NOX1: variants seen among roughly 807,000 people sequenced by gnomAD.
NOX1 encodes the protein NADH/NADPH mitogenic oxidase subunit P65-MOX.
NOX1 carries 34 observed loss-of-function variants against 42.5 expected under a neutral mutation model. The ratio of observed to expected loss-of-function variants is 0.80; its 90% CI spans 0.61 to 1.07. The LOEUF (loss-of-function observed/expected upper bound fraction) is 1.07. NOX1 is among the 50% of genes least tolerant of loss of function. NOX1 has a pLI of 0.00. For synonymous variants in NOX1, 143 were observed against 152.5 expected, an observed-to-expected ratio of 0.94 and a Z score of 0.46; for missense variants, 408 against 427.0, an observed-to-expected ratio of 0.96 and a Z score of 0.39.
chrX:100,867,937 AC>A (rs1280310169), intron 2 of NOX1, among the ~76,000 whole-genome samples: 2 of 110,890 alleles, frequency 1.8e-5, no homozygotes, highest in Admixed American at 9.6e-5. Flanking sequence ...CTGCACTTAT[AC>A]CCCCTACATA....
In NOX1 at chrX:100,850,340, C is replaced by T. The variant is rs2071756; in HGVS notation, c.944G>A (p.Arg315His). ...CTGCCCCACTTCCATGCTGAAGCCACGCTTGTTCATCTGCAATTCCAAAAC... is the reference window on the plus strand; with the variant it reads ...CTGCCCCACTTCCATGCTGAAGCCATGCTTGTTCATCTGCAATTCCAAAAC... ...SKVLELQMNKRGFSMEVGQYI... is the reference protein window; with the variant it reads ...SKVLELQMNKHGFSMEVGQYI... The change falls in exon 9 of 13, where the codon CGT becomes CAT. Residue 315 changes from arginine (R) to histidine (H), a missense_variant. Transcript: ENST00000372966. The T allele has an allele frequency of 2.3e-4, 281 of 1,202,689 alleles. 4 individuals carry two copies. In the East Asian group the frequency reaches 7.5e-3, roughly 32 times the overall value.
At chrX:100,848,302 T>C (rs776565171) in intron 12 of NOX1, among the ~76,000 whole-genome samples, 1 of 110,362 alleles carries the variant, frequency 9.1e-6, no homozygotes, top group African/African-American at 3.3e-5. Flanking sequence ...TTTTTTTTTT[T>C]CTTTTGAGAC....
chrX:100,857,532 C>A (rs762753813), intron 7 of NOX1, among the ~76,000 whole-genome samples: 8 of 112,022 alleles, frequency 7.1e-5, no homozygotes, highest in African/African-American at 2.6e-4. Context: ...GCAACCTCAC[C>A]AACATCTGTT....
In NOX1 at chrX:100,848,709, T is replaced by A. The variant is rs779428704; in HGVS notation, c.1489A>T (p.Thr497Ser). Reference protein sequence around the residue: ...LNFDKATDIVTGLKQKTSFGR... With the variant: ...LNFDKATDIVSGLKQKTSFGR... ...AAGGAGGTTTTCTGTTTCAGACCTG[T>A]CACGATGTCAGTGGCCTTGTCAAAG... The change falls in exon 12 of 13, where the codon ACA becomes TCA. Residue 497 changes from threonine to serine, a missense_variant. By Grantham distance (58) the Thr-to-Ser change is moderately conservative. Transcript: ENST00000372966. 1 of 1,209,823 alleles carries A rather than the reference T, an allele frequency of 8.3e-7. No individual in the cohort carries two copies. Among genetic ancestry groups the A allele is most frequent in the South Asian group, 1.8e-5 (1 of 56,868 alleles).
intron 7 of NOX1, among the ~76,000 whole-genome samples, chrX:100,853,857 T>A (rs1247302380): frequency 9.0e-6 from 1 of 110,874 alleles, no homozygotes; most frequent in Admixed American, 9.4e-5. Context: ...AACAAATGTT[T>A]CAAGGCCGGG....
At chrX:100,846,230 G>GT (rs2085072482) in intron 12 of NOX1, among the ~76,000 whole-genome samples, 1 of 112,338 alleles carries the variant, frequency 8.9e-6, no homozygotes, top group Admixed American at 9.4e-5. Flanking sequence ...TGGAAACTGT[G>GT]TTTAACACTT....
chrX:100,874,244 G>T lies in NOX1; in HGVS notation c.-105C>A. ...GGAACATTTGTCCAGCGCAGGGTCTGTGAGCCTTTAAGATGTGAAAAACAC... is the reference window on the plus strand; with the variant it reads ...GGAACATTTGTCCAGCGCAGGGTCTTTGAGCCTTTAAGATGTGAAAAACAC... On this transcript the variant is annotated 5_prime_UTR_variant, in exon 1 of 13. Transcript: ENST00000372966. 1.8e-6 allele frequency: 1 copy of T among 551,197 alleles called. No individual in the cohort carries two copies. Among genetic ancestry groups the T allele is most frequent in the Non-Finnish European group, 3.1e-6 (1 of 320,664 alleles). 45.4% of individuals were successfully genotyped at this position (551,197 alleles called of 1,213,427 possible). A position where few individuals can be genotyped will look rare whatever the true frequency, so the allele number is the denominator to read the frequency against.
intron 2 of NOX1, among the ~76,000 whole-genome samples, chrX:100,866,488 C>G (rs867902006): frequency 1.0e-5 from 1 of 96,675 alleles, no homozygotes; most frequent in Non-Finnish European, 2.1e-5. Context: ...GTGTGTGTCC[C>G]TGTGTGTGTG....
chrX:100,852,576 A>G (rs1164152288), intron 7 of NOX1, among the ~76,000 whole-genome samples: 1 of 112,556 alleles, frequency 8.9e-6, no homozygotes, highest in Non-Finnish European at 1.9e-5. Flanking sequence ...CTTCCTAGCA[A>G]TACTAAATTA....
intron 1 of NOX1, among the ~76,000 whole-genome samples, chrX:100,871,020 G>A (rs2085271455): frequency 8.9e-6 from 1 of 112,096 alleles, no homozygotes; most frequent in Non-Finnish European, 1.9e-5. Flanking sequence ...ACTAGAGCAG[G>A]GTCAGCAAAC....
At chrX:100,850,932 C>A (rs777083218) in intron 8 of NOX1, among the ~76,000 whole-genome samples, 1 of 111,066 alleles carries the variant, frequency 9.0e-6, no homozygotes, top group African/African-American at 3.3e-5. Flanking sequence ...CTCTGCCTCC[C>A]GGGTTCAAGC....
chrX:100,862,911 A>G (rs2085215333), intron 4 of NOX1, 91 bp from the exon 5 acceptor site: 1 of 866,536 alleles, frequency 1.2e-6, no homozygotes, highest in Non-Finnish European at 1.7e-6. Context: ...CCTACATTAT[A>G]GTGCTTAGCA....
At chrX:100,874,047 AT>A (rs753842181) in intron 1 of NOX1, 47 bp downstream of exon 1, 19 of 928,636 alleles carry the variant, frequency 2.0e-5, no homozygotes, top group Non-Finnish European at 1.8e-5. Context: ...AAAAAACATG[AT>A]TTCTCCTTAA....
At chrX:100,855,691 C>T (rs2085161930) in intron 7 of NOX1, 1 of 1,024,833 alleles carries the variant, frequency 9.8e-7, no homozygotes, top group African/African-American at 1.8e-5. Flanking sequence ...TCCCCACTGC[C>T]ACCATATCCA....
chrX:100,851,239 A>G lies in NOX1; in HGVS notation c.891T>C (p.Ile297=). The G allele has an allele frequency of 8.6e-7, 1 of 1,158,340 alleles. No individual in the cohort carries two copies. The highest frequency in any genetic ancestry group is 1.2e-6 in the Non-Finnish European group (1 of 849,996). The change falls in exon 8 of 13, where the codon ATT becomes ATC. Residue 297 remains isoleucine, a synonymous_variant. Coordinates refer to ENST00000372966, the MANE Select transcript of NOX1 (RefSeq NM_007052.5). The stretch of plus-strand genomic sequence containing the variant: ...GAAAGTGCATATTCTTTACCTTGGT[A>G]ATCACAACCTTCTGCTGGGAGCGGT... ...RFYRSQQKVV[I]TKVVMHPSKV... is the part of the protein sequence containing the mutation.
intron 2 of NOX1, among the ~76,000 whole-genome samples, chrX:100,868,134 G>A (rs945194406): frequency 1.8e-5 from 2 of 111,903 alleles, no homozygotes; most frequent in African/African-American, 3.2e-5. Context: ...TGGAGTTATA[G>A]TTTCTAAAGA....
intron 7 of NOX1, among the ~76,000 whole-genome samples, chrX:100,853,334 C>T (rs1364931198): frequency 7.9e-5 from 6 of 75,544 alleles, no homozygotes; most frequent in Admixed American, 1.6e-4. Context: ...CTCTCTTTCT[C>T]TTTCTTTCTT....
At chrX:100,862,901 C>CTT in intron 4 of NOX1, 81 bp from the exon 5 acceptor site, 2 of 929,126 alleles carry the variant, frequency 2.2e-6, no homozygotes, top group Non-Finnish European at 3.1e-6. Flanking sequence ...CTAGAAGAAT[C>CTT]CTACATTATA....
chrX:100,848,787 A>G (rs776518005), intron 11 of NOX1, 33 bp from the exon 12 acceptor site: 14 of 1,197,620 alleles, frequency 1.2e-5, no homozygotes, highest in Admixed American at 2.2e-5. Context: ...TAGAAAAACC[A>G]AGTCCTAGGC....
Sources: allele counts gnomAD v4.1 joint callset (sites outside exome capture counted in the v4.1 genomes callset), GRCh38; gene constraint gnomAD v4.1.1; transcripts MANE v1.5; gene names NCBI Gene and HGNC (gene_info 2026-07-23, HGNC 2026-07-21).